Variants in SLC25A21 observed in about 807,000 individuals in gnomAD.
SLC25A21 encodes the protein solute carrier family 25 member 21, also known as mitochondrial 2-oxodicarboxylate carrier.
SLC25A21 carries 47 observed loss-of-function variants against 43.8 expected under a neutral mutation model. The ratio of observed to expected loss-of-function variants is 1.07; its 90% CI spans 0.85 to 1.37. The LOEUF (loss-of-function observed/expected upper bound fraction) is 1.37, where lower values mean the gene tolerates loss of function less well. Among genes scored for constraint, SLC25A21 ranks in the 40% most tolerant of loss-of-function variants. SLC25A21 has a pLI of 0.00. For synonymous variants in SLC25A21, 131 were observed against 121.3 expected (o/e 1.08, Z -0.52); for missense variants, 352 against 350.2 (o/e 1.00, Z -0.04).
intron 1 of SLC25A21, among the ~76,000 whole-genome samples, chr14:37,146,482 A>T (rs1390934972): frequency 1.3e-5 from 2 of 152,174 alleles, no homozygotes; most frequent in African/African-American, 4.8e-5. Flanking sequence ...CCTGACCTCA[A>T]GAGATCCGCC....
At chr14:36,880,640 C>T (rs1890690460) in intron 1 of SLC25A21, among the ~76,000 whole-genome samples, 1 of 112,692 alleles carries the variant, frequency 8.9e-6, no homozygotes, top group Non-Finnish European at 2.1e-5. Context: ...GCCATTATGT[C>T]AGCTAAATTC....
intron 1 of SLC25A21, among the ~76,000 whole-genome samples, chr14:37,006,152 C>T (rs1594748893): frequency 6.6e-6 from 1 of 152,026 alleles, no homozygotes; most frequent in African/African-American, 2.4e-5. Flanking sequence ...CTCCAGCCCA[C>T]CAACAATTCC....
chr14:37,011,577 G>A (rs1361981673), intron 1 of SLC25A21, among the ~76,000 whole-genome samples: 2 of 152,108 alleles, frequency 1.3e-5, no homozygotes, highest in Non-Finnish European at 2.9e-5. Context: ...AATTGCCTGC[G>A]GAGGTTCATG....
chr14:36,784,173 T>C (rs1408480724), intron 3 of SLC25A21, among the ~76,000 whole-genome samples: 2 of 152,184 alleles, frequency 1.3e-5, no homozygotes, highest in African/African-American at 4.8e-5. Flanking sequence ...ATTTGAGGAA[T>C]GTTTCGATCA....
intron 3 of SLC25A21, among the ~76,000 whole-genome samples, chr14:36,793,549 A>AC (rs397784849): frequency 6.6e-6 from 1 of 150,454 alleles, no homozygotes; most frequent in African/African-American, 2.4e-5. Context: ...AAAAAAAAAA[A>AC]CCCAGCATGA....
At chr14:37,055,503 C>A (rs985787983) in intron 1 of SLC25A21, among the ~76,000 whole-genome samples, 5 of 152,110 alleles carry the variant, frequency 3.3e-5, no homozygotes, top group African/African-American at 1.2e-4. Flanking sequence ...AGAAGAGACA[C>A]CATAGAACTT....
chr14:36,680,315 A>G lies in SLC25A21; in HGVS notation c.*343T>C. 1 of 999,592 alleles carries G rather than the reference A, an allele frequency of 1.0e-6. No individual in the cohort carries two copies. The highest frequency in any genetic ancestry group is 4.7e-5 in the South Asian group (1 of 21,412). 61.9% of individuals were successfully genotyped at this position (999,592 alleles called of 1,614,324 possible). On this transcript the variant is annotated 3_prime_UTR_variant, in exon 10 of 10. Transcript: ENST00000331299. ...AGACCTCTTAGGAAAAATGCTGATCAATACAATGAATTTTCATTGTGAAGC... is the reference window on the plus strand; with the variant it reads ...AGACCTCTTAGGAAAAATGCTGATCGATACAATGAATTTTCATTGTGAAGC...
At chr14:36,897,520 C>A (rs899075498) in intron 1 of SLC25A21, among the ~76,000 whole-genome samples, 13 of 152,160 alleles carry the variant, frequency 8.5e-5, no homozygotes, top group African/African-American at 1.7e-4. Context: ...TCGTCTGAAG[C>A]CTTCTTCTCC....
At chr14:37,155,929 T>C (rs1963840474) in intron 1 of SLC25A21, among the ~76,000 whole-genome samples, 1 of 151,876 alleles carries the variant, frequency 6.6e-6, no homozygotes, top group South Asian at 2.1e-4. Context: ...GAGACTGAGA[T>C]GAGTGGTCCA....
In SLC25A21 at chr14:36,886,324, G is replaced by A. The variant is rs562566324; in HGVS notation, c.71-11320C>T. ...ACACTGAATTGGCCAAATAGGCAAC[G>A]TGATTTGGCAGGTTTGAAAGATGTT... On this transcript the variant is annotated intron_variant, in intron 1 of 9. Transcript: ENST00000331299. 1.9e-4 allele frequency among the ~76,000 whole-genome samples: 29 copies of A among 152,278 alleles called. No homozygotes were observed. The East Asian group carries it at 2.5e-3, about 13-fold the overall frequency.
At chr14:37,028,801 C>A (rs577726682) in intron 1 of SLC25A21, among the ~76,000 whole-genome samples, 2 of 152,212 alleles carry the variant, frequency 1.3e-5, no homozygotes, top group South Asian at 4.1e-4. Flanking sequence ...AACATTACAT[C>A]AGAAAATTAA....
At chr14:36,881,581 G>GC (rs202014492) in intron 1 of SLC25A21, among the ~76,000 whole-genome samples, 6 of 152,088 alleles carry the variant, frequency 3.9e-5, no homozygotes, top group East Asian at 3.8e-4. Context: ...CTCCACCCTT[G>GC]CCCTTTTTTT....
Position 36,999,402 on chromosome 14 carries a change from A to G in SLC25A21, c.71-124398T>C, listed in dbSNP as rs545839329. ...TTGGGGAGGGATTAATTGGCAGAAA[A>G]CAGTGATTTTAGGGCAGTGAAAATC... On this transcript the variant is annotated intron_variant, in intron 1 of 9. Transcript: ENST00000331299. Among the ~76,000 whole-genome samples the G allele has an allele frequency of 1.2e-3, 182 of 152,256 alleles. 1 individual carries two copies. Among genetic ancestry groups the G allele is most frequent in the African/African-American group, 4.4e-3 (182 of 41,572 alleles).
intron 1 of SLC25A21, among the ~76,000 whole-genome samples, chr14:37,005,420 G>A (rs1273662776): frequency 1.3e-5 from 2 of 152,042 alleles, no homozygotes; most frequent in Non-Finnish European, 2.9e-5. Flanking sequence ...TCAGAGCTAC[G>A]TCAGTATTTG....
chr14:36,767,521 G>A (rs1886459481), intron 3 of SLC25A21, among the ~76,000 whole-genome samples: 1 of 152,156 alleles, frequency 6.6e-6, no homozygotes, highest in Non-Finnish European at 1.5e-5. Flanking sequence ...GTGGTACTTT[G>A]GGAAAGTCAG....
intron 6 of SLC25A21, among the ~76,000 whole-genome samples, chr14:36,717,664 G>GTTGCT (rs1481172477): frequency 6.6e-6 from 1 of 152,214 alleles, no homozygotes; most frequent in Non-Finnish European, 1.5e-5. Context: ...AAGAGGAGGT[G>GTTGCT]TTGCTTCTTC....
At chr14:36,765,861 G>A (rs1250542146) in intron 3 of SLC25A21, among the ~76,000 whole-genome samples, 1 of 152,046 alleles carries the variant, frequency 6.6e-6, no homozygotes, top group Non-Finnish European at 1.5e-5. Context: ...TAGTTTCAAG[G>A]TATATCCTGA....
chr14:36,945,289 C>T (rs1052072244), intron 1 of SLC25A21, among the ~76,000 whole-genome samples: 3 of 152,024 alleles, frequency 2.0e-5, no homozygotes, highest in Non-Finnish European at 4.4e-5. Flanking sequence ...TACCATGTGC[C>T]CAAGTGAGAC....
At chr14:36,764,746 T>C (rs1032937784) in intron 3 of SLC25A21, among the ~76,000 whole-genome samples, 2 of 152,040 alleles carry the variant, frequency 1.3e-5, no homozygotes, top group African/African-American at 2.4e-5. Context: ...AAGTACTCCA[T>C]CAGCAGGGGA....
Sources: allele counts gnomAD v4.1 joint callset (sites outside exome capture counted in the v4.1 genomes callset), GRCh38; gene constraint gnomAD v4.1.1; transcripts MANE v1.5; gene names NCBI Gene and HGNC (gene_info 2026-07-23, HGNC 2026-07-21).